MTG1: variants seen among roughly 807,000 people sequenced by gnomAD.
The protein encoded by MTG1 is mitochondrial ribosome-associated GTPase 1.
In MTG1, 30 loss-of-function variants were observed where a neutral mutation model predicts 39.5. That is an observed-to-expected ratio of 0.76 (90% CI 0.57 to 1.03). The LOEUF (loss-of-function observed/expected upper bound fraction) is 1.03, where lower values mean the gene tolerates loss of function less well. Ranked by LOEUF, MTG1 falls within the 50% of genes least tolerant of loss-of-function variation. The pLI is 0.00. For synonymous variants in MTG1, 217 were observed against 179.0 expected (o/e 1.21, Z -1.69); for missense variants, 513 against 447.4 (o/e 1.15, Z -1.32).
At chr10:133,399,065 G>T in intron 4 of MTG1, 105 bp from the exon 5 acceptor site, 8 of 1,244,932 alleles carry the variant, frequency 6.4e-6, no homozygotes, top group Non-Finnish European at 9.4e-6. Context: ...ATATGTGAAA[G>T]TGGAGACACT....
rs573191305 is a variant in MTG1 at position 133,402,836 on chromosome 10, A to C, written c.752+63A>C. Reference sequence around the variant, plus strand: ...TCCTAGTCACCTCATTTAAAAAAAAAAAACAAACAAAAAAACCCCCAGCAT... The same window carrying C: ...TCCTAGTCACCTCATTTAAAAAAAACAAACAAACAAAAAAACCCCCAGCAT... On this transcript the variant is annotated intron_variant, in intron 9 of 10. Coordinates refer to ENST00000317502, the MANE Select transcript of MTG1 (RefSeq NM_138384.4). The surrounding 1 kb of genome is among the most constrained non-coding windows in gnomAD (Gnocchi z 4.7). 4.0e-4 allele frequency: 504 copies of C among 1,248,044 alleles called. 4 individuals carry two copies. The highest frequency in any genetic ancestry group is 2.6e-3 in the South Asian group (191 of 72,200). The allele number at this position is 1,248,044 out of a possible 1,614,324, so 77.3% of individuals were successfully genotyped here.
chr10:133,399,284 C>G, intron 5 of MTG1, 58 bp downstream of exon 5: 1 of 1,577,208 alleles, frequency 6.3e-7, no homozygotes. Context: ...GGGCCAGCCC[C>G]TCCTGCCTGG....
Position 133,420,071 on chromosome 10 carries a change from A to C in MTG1, c.911A>C (p.Asp304Ala), listed in dbSNP as rs971162539. The C allele has an allele frequency of 1.1e-5, 17 of 1,613,274 alleles. No individual in the cohort carries two copies. The Admixed American group carries it at 1.8e-4, about 17-fold the overall frequency. Residue 304 changes from aspartate (D) to alanine (A), a missense_variant, in exon 11 of 11, where the codon GAC (aspartate) becomes GCC (alanine). Physicochemically the swap from Asp to Ala is moderately radical, Grantham distance 126. Transcript: ENST00000317502. ...CCTAACTATCCTGCGGCAGCCCGTG[A>C]CTTCCTGCAGACTTTCCGCCGTGGG... ...IQPNYPAAAR[D>A]FLQTFRRGLL...
intron 6 of MTG1, 103 bp from the exon 7 acceptor site, chr10:133,401,426 C>T (rs913116770): frequency 6.2e-6 from 6 of 963,660 alleles, no homozygotes; most frequent in African/African-American, 1.7e-5. Flanking sequence ...CATAGTCTCC[C>T]TGCTTGGCTG....
intron 6 of MTG1, among the ~76,000 whole-genome samples, chr10:133,400,225 CT>C (rs1317171426): frequency 1.3e-5 from 2 of 152,210 alleles, no homozygotes; most frequent in African/African-American, 2.4e-5. Flanking sequence ...AAAAAAATCC[CT>C]TTGATCCAGA....
rs187583335 is a variant in MTG1 at position 133,407,421 on chromosome 10, G to A, written c.752+4648G>A. ...AGTATTCTTCTGACTGATAAGCATGGAATATCTTTCCATTTTTTATGTGTC... is the reference window on the plus strand; with the variant it reads ...AGTATTCTTCTGACTGATAAGCATGAAATATCTTTCCATTTTTTATGTGTC... On this transcript the variant is annotated intron_variant, in intron 9 of 10. Transcript: ENST00000317502. Among the ~76,000 whole-genome samples the A allele has an allele frequency of 5.2e-3, 794 of 152,238 alleles. 5 individuals are homozygous for A. The highest frequency in any genetic ancestry group is 0.018 in the African/African-American group (746 of 41,536).
At position 133,417,867 on chromosome 10, in the gene MTG1, A is replaced by G. The variant is rs1057402565; in HGVS notation, c.753-1613A>G. 4.6e-5 allele frequency among the ~76,000 whole-genome samples: 7 copies of G among 152,266 alleles called. No homozygotes were observed. In the South Asian group the frequency reaches 6.2e-4, roughly 13 times the overall value. On this transcript the variant is annotated intron_variant, in intron 9 of 10. Coordinates refer to ENST00000317502, the MANE Select transcript of MTG1 (RefSeq NM_138384.4). ...GAACTACAAACCACTGCTCAATGAAATAAAAGAGAATACAAACAAATGGAA... is the reference window on the plus strand; with the variant it reads ...GAACTACAAACCACTGCTCAATGAAGTAAAAGAGAATACAAACAAATGGAA...
chr10:133,402,661 C>T lies in MTG1; in HGVS notation c.671-31C>T. 6.4e-7 allele frequency: 1 copy of T among 1,572,686 alleles called. No individual in the cohort carries two copies. Among genetic ancestry groups the T allele is most frequent in the Non-Finnish European group, 8.6e-7 (1 of 1,157,414 alleles). Reference sequence around the variant, plus strand: ...GGCAGGAACATAGATGTGGCTGTTTCCAGTGCTCACCTCGGCTGCTGCTTC... The same window carrying T: ...GGCAGGAACATAGATGTGGCTGTTTTCAGTGCTCACCTCGGCTGCTGCTTC... On this transcript the variant is annotated intron_variant, in intron 8 of 10. Transcript: ENST00000317502. The surrounding 1 kb of genome is among the most constrained non-coding windows in gnomAD (Gnocchi z 4.7).
intron 9 of MTG1, among the ~76,000 whole-genome samples, chr10:133,415,763 A>G (rs1169723561): frequency 6.6e-6 from 1 of 152,158 alleles, no homozygotes; most frequent in Non-Finnish European, 1.5e-5. Context: ...TGAAATTTGC[A>G]TCATTTTGAA....
intron 9 of MTG1, among the ~76,000 whole-genome samples, chr10:133,413,586 T>C (rs72868328): frequency 1.8e-3 from 269 of 152,332 alleles, no homozygotes; most frequent in Non-Finnish European, 2.4e-3. Flanking sequence ...TCCTCTCTCT[T>C]GCCTCTTTAG....
At position 133,402,069 on chromosome 10, in the gene MTG1, G is replaced by T. The variant is rs1849885636; in HGVS notation, c.574-80G>T. ...CTTCCTCGGAGCATTGGGTGCCAGG[G>T]GCTGCCCAGGCTTCCTGAGTGGCCC... On this transcript the variant is annotated intron_variant, in intron 7 of 10. Coordinates refer to ENST00000317502, the MANE Select transcript of MTG1 (RefSeq NM_138384.4). The surrounding 1 kb of genome is among the most constrained non-coding windows in gnomAD (Gnocchi z 4.7). 2 of 1,565,698 alleles carry T rather than the reference G, an allele frequency of 1.3e-6. No homozygotes were observed. Among genetic ancestry groups the T allele is most frequent in the Non-Finnish European group, 1.8e-6 (2 of 1,141,506 alleles).
chr10:133,395,696 G>C lies in MTG1; in HGVS notation c.113-17G>C, dbSNP rs111649485. On this transcript the variant is annotated splice_polypyrimidine_tract_variant and intron_variant, in intron 1 of 10. Transcript: ENST00000317502. ...AGGTTGTGAGCCCCTTCGCTGAGGC[G>C]TCCTTCTGTTTTCCAGGGCTGAAGA... 6.2e-7 allele frequency: 1 copy of C among 1,613,622 alleles called. No individual in the cohort carries two copies. The highest frequency in any genetic ancestry group is 1.1e-5 in the South Asian group (1 of 90,926).
At chr10:133,414,392 G>A (rs929381120) in intron 9 of MTG1, among the ~76,000 whole-genome samples, 11 of 152,222 alleles carry the variant, frequency 7.2e-5, no homozygotes, top group East Asian at 5.8e-4. Context: ...CCACAAAACC[G>A]CCATTGTCAT....
Position 133,402,809 on chromosome 10 carries a change from C to T in MTG1, c.752+36C>T, listed in dbSNP as rs773499530. On this transcript the variant is annotated intron_variant, in intron 9 of 10. Transcript: ENST00000317502. This position sits in a 1 kb window ranked among gnomAD's most constrained non-coding sequence, Gnocchi z 4.7. ...TGAATGCAGGGCAGCTGGGGCCCCT[C>T]CTCCTAGTCACCTCATTTAAAAAAA... 3.4e-6 allele frequency: 5 copies of T among 1,473,414 alleles called. No homozygotes were observed. The African/African-American group carries it at 4.3e-5, about 13-fold the overall frequency. The allele number at this position is 1,473,414 out of a possible 1,614,324, so 91.3% of individuals were successfully genotyped here. A position where few individuals can be genotyped will look rare whatever the true frequency, so the allele number is the denominator to read the frequency against.
rs569436080 is a variant in MTG1 at position 133,399,661 on chromosome 10, C to T, written c.511+42C>T. ...CTGATCACCTCAGGAAAGGTACTGG[C>T]GCGTGTGGCTGATGTGCTGATGCCA... On this transcript the variant is annotated intron_variant, in intron 6 of 10. Coordinates refer to ENST00000317502, the MANE Select transcript of MTG1 (RefSeq NM_138384.4). 316 of 1,593,910 alleles carry T rather than the reference C, an allele frequency of 2.0e-4. 2 individuals are homozygous for T. In the South Asian group the frequency reaches 2.7e-3, roughly 14 times the overall value.
Position 133,401,519 on chromosome 10 carries a change from T to C in MTG1, c.512-10T>C, listed in dbSNP as rs1344222411. ...ATACATTTGAGCCTCCTTTTCTCCTTTTCCTACAGGGAAAGCCACCAGGGT... is the reference window on the plus strand; with the variant it reads ...ATACATTTGAGCCTCCTTTTCTCCTCTTCCTACAGGGAAAGCCACCAGGGT... On this transcript the variant is annotated splice_polypyrimidine_tract_variant and intron_variant, in intron 6 of 10. Coordinates refer to ENST00000317502, the MANE Select transcript of MTG1 (RefSeq NM_138384.4). 6.4e-7 allele frequency: 1 copy of C among 1,556,198 alleles called. No individual in the cohort carries two copies. Among genetic ancestry groups the C allele is most frequent in the East Asian group, 2.3e-5 (1 of 44,306 alleles).
chr10:133,407,496 T>C (rs1230686476), intron 9 of MTG1, among the ~76,000 whole-genome samples: 1 of 152,184 alleles, frequency 6.6e-6, no homozygotes, highest in African/African-American at 2.4e-5. Context: ...GTAGAGATCT[T>C]CCACTTCTTT....
chr10:133,409,593 G>A (rs1307953290), intron 9 of MTG1, among the ~76,000 whole-genome samples: 1 of 151,972 alleles, frequency 6.6e-6, no homozygotes, highest in African/African-American at 2.4e-5. Context: ...ATTTCTGGCT[G>A]GAAACACCCT....
chr10:133,395,897 A>G, intron 2 of MTG1, 120 bp downstream of exon 2: 1 of 1,040,314 alleles, frequency 9.6e-7, no homozygotes, highest in East Asian at 2.6e-5. Flanking sequence ...AGTTAATCAG[A>G]ATCTGTGATG....
Sources: allele counts gnomAD v4.1 joint callset (sites outside exome capture counted in the v4.1 genomes callset), GRCh38; gene constraint gnomAD v4.1.1; non-coding constraint Gnocchi (gnomAD v3.1); transcripts MANE v1.5; gene names NCBI Gene and HGNC (gene_info 2026-07-23, HGNC 2026-07-21).